C12orf42: variants seen among roughly 807,000 people sequenced by gnomAD.
C12orf42 encodes uncharacterized protein C12orf42.
Under a neutral mutation model 21.6 loss-of-function variants are expected in C12orf42, and 25 were observed. That is an observed-to-expected ratio of 1.16 (90% CI 0.84 to 1.62). The LOEUF is 1.62. Among genes scored for constraint, C12orf42 ranks in the 40% most tolerant of loss-of-function variants. The pLI, the probability that C12orf42 is intolerant of heterozygous loss-of-function variation, is 0.00. For synonymous variants in C12orf42, 174 were observed against 175.0 expected (o/e 0.99, Z 0.05); for missense variants, 483 against 459.3 (o/e 1.05, Z -0.47).
At chr12:103,427,534 C>T (rs1949936109) in intron 2 of C12orf42, among the ~76,000 whole-genome samples, 1 of 152,078 alleles carries the variant, frequency 6.6e-6, no homozygotes, top group Non-Finnish European at 1.5e-5. Flanking sequence ...TAGTGGGAGA[C>T]TTTAACACCC....
intron 2 of C12orf42, among the ~76,000 whole-genome samples, chr12:103,406,665 C>T (rs1408013553): frequency 6.6e-6 from 1 of 152,188 alleles, no homozygotes; most frequent in African/African-American, 2.4e-5. Flanking sequence ...ATAATCTCCA[C>T]AATGCTCCCC....
the C12orf42 span, among the ~76,000 whole-genome samples, chr12:103,560,467 T>C: frequency 5.4e-5 from 1 of 18,480 alleles, no homozygotes; most frequent in Non-Finnish European, 1.6e-4. Flanking sequence ...CCAAAAGTAC[T>C]AGTTCTTAAT....
chr12:103,208,972 T>A, the C12orf42 span, among the ~76,000 whole-genome samples: 5 of 152,170 alleles, frequency 3.3e-5, no homozygotes, highest in Admixed American at 2.0e-4. Context: ...TTTTTATCAG[T>A]GTCCTGATTA....
At chr12:103,452,808 T>C (rs768835353) in intron 2 of C12orf42, among the ~76,000 whole-genome samples, 1 of 151,210 alleles carries the variant, frequency 6.6e-6, no homozygotes, top group Admixed American at 6.6e-5. Flanking sequence ...TTCTCACTCA[T>C]AGGTGGGAAT....
chr12:103,260,125 T>A (rs756185148), intron 10 of C12orf42, among the ~76,000 whole-genome samples: 3 of 152,202 alleles, frequency 2.0e-5, no homozygotes, highest in African/African-American at 7.2e-5. Flanking sequence ...TCTGAATTAA[T>A]TGAAACCAAC....
chr12:103,300,653 TA>T (rs1227748966), downstream of C12orf42, among the ~76,000 whole-genome samples: 1 of 152,192 alleles, frequency 6.6e-6, no homozygotes, highest in Admixed American at 6.5e-5. Flanking sequence ...TGTCTTAAAC[TA>T]AAAAAATCAG....
chr12:103,090,784 C>T, the C12orf42 span, among the ~76,000 whole-genome samples: 7 of 151,786 alleles, frequency 4.6e-5, no homozygotes, highest in South Asian at 2.1e-4. Flanking sequence ...AGAGAGAGGA[C>T]GTGGATTCTT....
chr12:103,437,628 T>C (rs1446545847), intron 2 of C12orf42, among the ~76,000 whole-genome samples: 1 of 151,884 alleles, frequency 6.6e-6, no homozygotes, highest in African/African-American at 2.4e-5. Flanking sequence ...TACAAACACC[T>C]CTATGCAAAT....
the C12orf42 span, among the ~76,000 whole-genome samples, chr12:103,080,243 C>T: frequency 6.6e-6 from 1 of 152,042 alleles, no homozygotes; most frequent in African/African-American, 2.4e-5. Context: ...AGTCCAATGG[C>T]GATAGATGTG....
At chr12:103,193,372 G>GAA in the C12orf42 span, among the ~76,000 whole-genome samples, 4 of 146,208 alleles carry the variant, frequency 2.7e-5, no homozygotes, top group African/African-American at 1.0e-4. Flanking sequence ...TAAGTTAACA[G>GAA]AAAAAAAAAT....
At chr12:103,089,936 C>T in the C12orf42 span, among the ~76,000 whole-genome samples, 10 of 152,088 alleles carry the variant, frequency 6.6e-5, no homozygotes, top group African/African-American at 9.6e-5. Context: ...CAATGGACAC[C>T]GAAAAGATTT....
At chr12:103,508,406 C>T in the C12orf42 span, among the ~76,000 whole-genome samples, 1 of 152,106 alleles carries the variant, frequency 6.6e-6, no homozygotes, top group Non-Finnish European at 1.5e-5. Flanking sequence ...ACATTTAAGT[C>T]ATTGGAGGTA....
chr12:103,239,957 C>T lies in C12orf42; in HGVS notation c.*1367-2055G>A, dbSNP rs1171896739. 2.0e-5 allele frequency among the ~76,000 whole-genome samples: 3 copies of T among 152,066 alleles called. No individual in the cohort carries two copies. The East Asian group carries it at 5.8e-4, about 29-fold the overall frequency. Reference sequence around the variant, plus strand: ...CAGAAGTAGGAAAGAGACTATATTACCAGTAAACACCACTCTGAAAATGAG... The same window carrying T: ...CAGAAGTAGGAAAGAGACTATATTATCAGTAAACACCACTCTGAAAATGAG... On this transcript the variant is annotated intron_variant and NMD_transcript_variant, in intron 10 of 10. Transcript: ENST00000547347.
chr12:103,435,205 GA>G (rs1370629208), intron 2 of C12orf42, among the ~76,000 whole-genome samples: 1 of 152,062 alleles, frequency 6.6e-6, no homozygotes, highest in Non-Finnish European at 1.5e-5. Flanking sequence ...CTGTTAGAAG[GA>G]AAACTAACAA....
intron 2 of C12orf42, among the ~76,000 whole-genome samples, chr12:103,468,746 T>C (rs1240536561): frequency 6.6e-6 from 1 of 151,220 alleles, no homozygotes; most frequent in South Asian, 2.1e-4. Context: ...AACGGGTCGA[T>C]GAATTCACCC....
chr12:103,241,725 T>C (rs146121270), intron 10 of C12orf42, among the ~76,000 whole-genome samples: 1 of 152,234 alleles, frequency 6.6e-6, no homozygotes, highest in East Asian at 1.9e-4. Context: ...CCAGTCTGAG[T>C]AAGACACTTT....
the C12orf42 span, among the ~76,000 whole-genome samples, chr12:103,232,107 G>A: frequency 6.6e-6 from 1 of 152,096 alleles, no homozygotes; most frequent in African/African-American, 2.4e-5. Flanking sequence ...GATATCTTTG[G>A]TGATAAGTCT....
At chr12:103,225,772 A>G in the C12orf42 span, among the ~76,000 whole-genome samples, 1 of 152,188 alleles carries the variant, frequency 6.6e-6, no homozygotes, top group Non-Finnish European at 1.5e-5. Context: ...AATACCCACA[A>G]CAGTTATGGA....
At chr12:103,225,467 T>C in the C12orf42 span, among the ~76,000 whole-genome samples, 2 of 151,788 alleles carry the variant, frequency 1.3e-5, no homozygotes, top group African/African-American at 2.4e-5. Context: ...AATAAGATGG[T>C]AAGGGATGCA....
Sources: allele counts gnomAD v4.1 joint callset (sites outside exome capture counted in the v4.1 genomes callset), GRCh38; gene constraint gnomAD v4.1.1; transcripts MANE v1.5; gene names NCBI Gene and HGNC (gene_info 2026-07-23, HGNC 2026-07-21).